Variants in WNT2B observed in about 807,000 individuals in gnomAD.
WNT2B encodes the protein Wnt family member 2B.
WNT2B carries 19 observed loss-of-function variants against 40.5 expected under a neutral mutation model. The observed-to-expected ratio is 0.47, with a 90% CI of 0.33 to 0.69. The LOEUF (loss-of-function observed/expected upper bound fraction) is 0.69. Among genes scored for constraint, WNT2B ranks in the 30% least tolerant of loss-of-function variants. WNT2B has a pLI of 0.02. For missense variants in WNT2B, 467 were observed against 556.4 expected, an observed-to-expected ratio of 0.84 and a Z score of 1.62; for synonymous variants, 220 against 211.9, an observed-to-expected ratio of 1.04 and a Z score of -0.33.
intron 1 of WNT2B, chr1:112,467,694 T>C: frequency 1.5e-6 from 1 of 673,426 alleles, no homozygotes; most frequent in Non-Finnish European, 2.7e-6. Context: ...TATATGATCA[T>C]ATACGTAGTA....
At chr1:112,501,139 T>C (rs182786987) in intron 1 of WNT2B, among the ~76,000 whole-genome samples, 145 of 152,300 alleles carry the variant, frequency 9.5e-4, no homozygotes, top group African/African-American at 3.2e-3. Flanking sequence ...TAGTCAGGTA[T>C]TTTGTAGAAT....
At chr1:112,479,668 A>T (rs948920031) in intron 1 of WNT2B, among the ~76,000 whole-genome samples, 8 of 152,192 alleles carry the variant, frequency 5.3e-5, no homozygotes, top group African/African-American at 1.9e-4. Flanking sequence ...ATGGAGAGTA[A>T]AAGTCTAGTG....
At chr1:112,468,139 T>C (rs893082367) in intron 1 of WNT2B, among the ~76,000 whole-genome samples, 1 of 152,208 alleles carries the variant, frequency 6.6e-6, no homozygotes, top group Non-Finnish European at 1.5e-5. Flanking sequence ...ATGAGTTGAT[T>C]TCATTCTTTT....
intron 4 of WNT2B, chr1:112,517,864 T>C (rs1652639602): frequency 6.3e-6 from 1 of 158,626 alleles, no homozygotes; most frequent in Non-Finnish European, 1.4e-5. Flanking sequence ...GAATTTAAGC[T>C]GCTCCTTGAA....
chr1:112,502,264 G>A (rs1235377000), intron 1 of WNT2B, among the ~76,000 whole-genome samples: 1 of 152,106 alleles, frequency 6.6e-6, no homozygotes, highest in African/African-American at 2.4e-5. Context: ...CCAGCTGCCC[G>A]TCCCTGCTGA....
At position 112,527,543 on chromosome 1, in the gene WNT2B, T is replaced by G. The variant is rs1023223951; in HGVS notation, c.*7034T>G. The G allele has an allele frequency of 1.3e-5, 2 of 152,786 alleles. No homozygotes were observed. Among genetic ancestry groups the G allele is most frequent in the African/African-American group, 4.8e-5 (2 of 41,462 alleles). 9.5% of individuals were successfully genotyped at this position (152,786 alleles called of 1,614,324 possible). The stretch of plus-strand genomic sequence containing the variant: ...ATGGCTTCTTGCAAGAGGCTTTTTC[T>G]TAAACTAACCCTGACTCCTGGAAAA... On this transcript the variant is annotated 3_prime_UTR_variant, in exon 5 of 5. Transcript: ENST00000369684.
intron 1 of WNT2B, among the ~76,000 whole-genome samples, chr1:112,498,936 G>A (rs753613775): frequency 9.9e-5 from 15 of 152,134 alleles, no homozygotes; most frequent in Admixed American, 1.3e-4. Flanking sequence ...AGCTGGGCGC[G>A]GTGGCTCACG....
At position 112,515,525 on chromosome 1, in the gene WNT2B, T is replaced by G. The variant is rs115410972; in HGVS notation, c.403+431T>G. On this transcript the variant is annotated intron_variant, in intron 2 of 4. Coordinates refer to ENST00000369684, the MANE Select transcript of WNT2B (RefSeq NM_024494.3). The surrounding 1 kb of genome is among the most constrained non-coding windows in gnomAD (Gnocchi z 4.4). The stretch of plus-strand genomic sequence containing the variant: ...AACAGAAAGGTGATATGTAAATATT[T>G]GGAGAGTCAGTGGCTTGGCCTCAGC... Among the ~76,000 whole-genome samples the G allele has an allele frequency of 0.022, 3,375 of 152,308 alleles. 121 individuals carry two copies. The highest frequency in any genetic ancestry group is 0.076 in the African/African-American group (3,173 of 41,546).
chr1:112,510,930 T>C (rs1417281728), intron 1 of WNT2B, among the ~76,000 whole-genome samples: 2 of 152,198 alleles, frequency 1.3e-5, no homozygotes, highest in South Asian at 2.1e-4. Flanking sequence ...AGGGTCTTTG[T>C]TGAGACAACA....
In WNT2B at chr1:112,526,315, T is replaced by G; in HGVS notation, c.*5806T>G. ...AACATATTCCACATTTAAACAACTC[T>G]GGCTCCTAATTCTACTCCTTTTTTC... On this transcript the variant is annotated 3_prime_UTR_variant, in exon 5 of 5. Coordinates refer to ENST00000369684, the MANE Select transcript of WNT2B (RefSeq NM_024494.3). 1 of 517,548 alleles carries G rather than the reference T, an allele frequency of 1.9e-6. No individual in the cohort carries two copies. The highest frequency in any genetic ancestry group is 3.3e-6 in the Non-Finnish European group (1 of 306,262). The allele number at this position is 517,548 out of a possible 1,614,324, so 32.1% of individuals were successfully genotyped here.
Position 112,479,403 on chromosome 1 carries a change from G to A in WNT2B, c.-95+11812G>A, listed in dbSNP as rs186674985. On this transcript the variant is annotated intron_variant, in intron 1 of 4. Coordinates refer to the WNT2B transcript ENST00000256640. ...AGCCTGGCCAACATGGTGAAACCCC[G>A]TCTCTACTAAAAATACAAAAATTAG... Among the ~76,000 whole-genome samples the A allele has an allele frequency of 9.5e-3, 1,436 of 151,216 alleles. 16 individuals carry two copies. The highest frequency in any genetic ancestry group is 0.025 in the South Asian group (120 of 4,778).
rs767355561 is a variant in WNT2B, at chr1:112,509,785, A to G, written c.182+341A>G. On this transcript the variant is annotated intron_variant, in intron 1 of 4. Coordinates refer to ENST00000369684, the MANE Select transcript of WNT2B (RefSeq NM_024494.3). The surrounding 1 kb of genome is among the most constrained non-coding windows in gnomAD (Gnocchi z 4.2). The stretch of plus-strand genomic sequence containing the variant: ...TCAGGGTGAGTTCAAGGAACGAATA[A>G]CCTTCCAGGGCCCGCAATAGCTTCG... 1.3e-5 allele frequency among the ~76,000 whole-genome samples: 2 copies of G among 152,020 alleles called. No homozygotes were observed. Among genetic ancestry groups the G allele is most frequent in the African/African-American group, 2.4e-5 (1 of 41,398 alleles).
At chr1:112,516,466 C>A (rs377473321) in intron 3 of WNT2B, 49 bp downstream of exon 3, 54 of 1,570,112 alleles carry the variant, frequency 3.4e-5, no homozygotes, top group Non-Finnish European at 4.5e-5. Flanking sequence ...TGGGGGTGAC[C>A]AGTGTGTGTG....
At chr1:112,496,099 G>A (rs115594258) in intron 1 of WNT2B, among the ~76,000 whole-genome samples, 2,953 of 152,186 alleles carry the variant, frequency 0.019, 113 homozygotes, top group African/African-American at 0.067. Context: ...TGAATTCCAT[G>A]GGGGATGGAT....
chr1:112,518,500 A>G (rs1652687213), intron 4 of WNT2B: 4 of 152,208 alleles, frequency 2.6e-5, no homozygotes, highest in Admixed American at 1.3e-4. Flanking sequence ...AGTAGTCTGT[A>G]TACTTTGTAG....
upstream of WNT2B, among the ~76,000 whole-genome samples, chr1:112,507,917 C>T (rs1013338216): frequency 1.3e-5 from 2 of 152,154 alleles, no homozygotes; most frequent in African/African-American, 4.8e-5. Flanking sequence ...CCGCAGGGCC[C>T]GTACCTGCTA....
In WNT2B at chr1:112,516,404, G is replaced by A. The variant is rs180824040; in HGVS notation, c.668G>A (p.Arg223His). 6.8e-6 allele frequency: 11 copies of A among 1,612,658 alleles called. No individual in the cohort carries two copies. The highest frequency in any genetic ancestry group is 4.4e-5 in the South Asian group (4 of 90,898). ...GCCCTCATGAACTTACATAATAACC[G>A]CTGTGGTCGCACGGTCAGTACTCAT... ...ARALMNLHNN[R>H]CGRTAVRRFL... Residue 223 changes from arginine to histidine, a missense_variant, in exon 3 of 5, where the codon CGC becomes CAC. By Grantham distance (29) the Arg-to-His change is conservative. Around this residue, in one of 2 missense-constraint regions of WNT2B, gnomAD observed 330 missense variants for 438.6 expected, o/e 0.75. Transcript: ENST00000369684.
At chr1:112,508,784 G>A (rs993619479), upstream of WNT2B, 30 of 987,538 alleles carry the variant, frequency 3.0e-5, no homozygotes, top group Non-Finnish European at 3.6e-5. This position sits in a 1 kb window ranked among gnomAD's most constrained non-coding sequence, Gnocchi z 4.2. Context: ...GCGGGAGCAG[G>A]TGGGGGTGCA....
intron 3 of WNT2B, 32 bp downstream of exon 3, chr1:112,516,449 TA>T: frequency 6.3e-7 from 1 of 1,585,136 alleles, no homozygotes; most frequent in Non-Finnish European, 8.6e-7. Flanking sequence ...AGTACACTCA[TA>T]TTTGCTGGGG....
Sources: allele counts gnomAD v4.1 joint callset (sites outside exome capture counted in the v4.1 genomes callset), GRCh38; gene constraint gnomAD v4.1.1; regional missense constraint gnomAD v4.1.1; non-coding constraint Gnocchi (gnomAD v3.1); transcripts MANE v1.5; gene names NCBI Gene and HGNC (gene_info 2026-07-23, HGNC 2026-07-21).